Variants in DENND1A observed in about 807,000 individuals in gnomAD.
The protein encoded by DENND1A is DENN domain containing 1A.
In DENND1A, 51 loss-of-function variants were observed where a neutral mutation model predicts 113.7. That is an observed-to-expected ratio of 0.45 (90% CI 0.36 to 0.57). The LOEUF is 0.57. Among genes scored for constraint, DENND1A ranks in the 20% least tolerant of loss-of-function variants. DENND1A has a pLI of 0.00. For synonymous variants in DENND1A, 565 were observed against 570.8 expected (o/e 0.99, Z 0.14); for missense variants, 1,258 against 1,395.9 (o/e 0.90, Z 1.57).
chr9:123,704,900 A>C (rs1287742166), intron 5 of DENND1A, among the ~76,000 whole-genome samples: 1 of 152,184 alleles, frequency 6.6e-6, no homozygotes, highest in East Asian at 1.9e-4. Flanking sequence ...AGACAAGAAG[A>C]AGAAATAACT....
intron 1 of DENND1A, among the ~76,000 whole-genome samples, chr9:123,901,803 G>C (rs1392070576): frequency 1.3e-5 from 2 of 152,068 alleles, no homozygotes; most frequent in Non-Finnish European, 2.9e-5. Flanking sequence ...AGAAGATCGA[G>C]ACCATCCTGG....
intron 11 of DENND1A, among the ~76,000 whole-genome samples, chr9:123,604,961 A>G (rs2137530604): frequency 6.6e-6 from 1 of 152,298 alleles, no homozygotes; most frequent in Middle Eastern, 3.4e-3. Flanking sequence ...TCTGATAGGC[A>G]TTATCTCACT....
At chr9:123,736,184 C>T (rs549979892) in intron 5 of DENND1A, among the ~76,000 whole-genome samples, 1 of 152,324 alleles carries the variant, frequency 6.6e-6, no homozygotes, top group African/African-American at 2.4e-5. Context: ...AAAAGAAGGT[C>T]TTCAAGTCAG....
At chr9:123,847,416 T>C (rs1288800544) in intron 2 of DENND1A, among the ~76,000 whole-genome samples, 2 of 152,128 alleles carry the variant, frequency 1.3e-5, no homozygotes, top group African/African-American at 2.4e-5. Flanking sequence ...CATATATCAT[T>C]GCTAAACTAG....
chr9:123,708,191 C>T (rs943053661), intron 5 of DENND1A, among the ~76,000 whole-genome samples: 1 of 152,072 alleles, frequency 6.6e-6, no homozygotes, highest in Non-Finnish European at 1.5e-5. Flanking sequence ...GGTCCACCAA[C>T]AGGAGTGGTT....
intron 8 of DENND1A, among the ~76,000 whole-genome samples, chr9:123,653,317 G>A (rs998661529): frequency 2.0e-5 from 3 of 152,166 alleles, no homozygotes; most frequent in African/African-American, 7.2e-5. Context: ...CACTGTACCA[G>A]ACACTGTGGA....
At chr9:123,498,661 T>G (rs944490319) in intron 13 of DENND1A, among the ~76,000 whole-genome samples, 9 of 151,736 alleles carry the variant, frequency 5.9e-5, no homozygotes, top group Non-Finnish European at 1.3e-4. Flanking sequence ...TGGGGTCCAA[T>G]GGGCAAGTGT....
intron 2 of DENND1A, among the ~76,000 whole-genome samples, chr9:123,840,440 T>C (rs759011830): frequency 2.0e-5 from 3 of 151,872 alleles, no homozygotes; most frequent in Admixed American, 6.6e-5. Context: ...AGAACTCCAA[T>C]GAGGTCGTTA....
intron 2 of DENND1A, among the ~76,000 whole-genome samples, chr9:123,800,667 T>C (rs902425215): frequency 6.6e-6 from 1 of 152,246 alleles, no homozygotes; most frequent in African/African-American, 2.4e-5. Context: ...TAGCGGATTA[T>C]GAATGACAGC....
At chr9:123,537,884 C>T (rs545581353) in intron 13 of DENND1A, among the ~76,000 whole-genome samples, 44 of 152,132 alleles carry the variant, frequency 2.9e-4, no homozygotes, top group Non-Finnish European at 5.6e-4. Flanking sequence ...GAATATTGTT[C>T]CCAGGAACTT....
intron 13 of DENND1A, among the ~76,000 whole-genome samples, chr9:123,482,408 A>AT (rs956318055): frequency 6.6e-6 from 1 of 152,132 alleles, no homozygotes; most frequent in African/African-American, 2.4e-5. Context: ...CATTATCTTT[A>AT]TTTTTTAACA....
chr9:123,385,108 C>T lies in DENND1A; in HGVS notation c.1761-1195G>A, dbSNP rs1451916891. Among the ~76,000 whole-genome samples, 5 of 152,170 alleles carry T rather than the reference C, an allele frequency of 3.3e-5. No individual in the cohort carries two copies. In the South Asian group the frequency reaches 6.2e-4, roughly 19 times the overall value. On this transcript the variant is annotated intron_variant, in intron 22 of 23. Transcript: ENST00000394215. ...CACCACTGGGTAGATGGAGAGGCAG[C>T]GCCTGGGTCAACCCTTACCTCTAGT...
chr9:123,533,589 T>C (rs940392476), intron 13 of DENND1A, among the ~76,000 whole-genome samples: 13 of 152,204 alleles, frequency 8.5e-5, no homozygotes, highest in Non-Finnish European at 1.5e-4. Flanking sequence ...TTGTACAATG[T>C]CTCAAGCACT....
chr9:123,491,834 C>T (rs2051400710), intron 13 of DENND1A: 1 of 152,260 alleles, frequency 6.6e-6, no homozygotes, highest in Non-Finnish European at 1.5e-5. Context: ...CTTCTGTCCT[C>T]ACCCTCCAAC....
chr9:123,878,179 G>T (rs1011832260), intron 2 of DENND1A, among the ~76,000 whole-genome samples: 7 of 150,384 alleles, frequency 4.7e-5, no homozygotes, highest in Non-Finnish European at 7.4e-5. Flanking sequence ...CTCCAGCCTG[G>T]GCAACAAGAG....
At chr9:123,895,573 G>T (rs1850611419) in intron 1 of DENND1A, among the ~76,000 whole-genome samples, 1 of 149,946 alleles carries the variant, frequency 6.7e-6, no homozygotes. Context: ...ACTGAGCCGA[G>T]ATTATGCCAC....
chr9:123,903,801 G>A lies in DENND1A; in HGVS notation c.18-24780C>T, dbSNP rs993838750. Among the ~76,000 whole-genome samples, 22 of 151,902 alleles carry A rather than the reference G, an allele frequency of 1.4e-4. No homozygotes were observed. In the South Asian group the frequency reaches 1.7e-3, roughly 11 times the overall value. On this transcript the variant is annotated intron_variant, in intron 1 of 23. Coordinates refer to ENST00000394215, the MANE Select transcript of DENND1A (RefSeq NM_001352964.2). The stretch of plus-strand genomic sequence containing the variant: ...GCGGCAGCGAGGCTGGGGGAGGGGC[G>A]CCCGCCATTGCCCAGGCTTGCTTAG...
intron 4 of DENND1A, among the ~76,000 whole-genome samples, chr9:123,760,682 T>C (rs1027427532): frequency 1.3e-5 from 2 of 152,176 alleles, no homozygotes; most frequent in African/African-American, 2.4e-5. Flanking sequence ...TGTGTTACTA[T>C]GGTGATTTAA....
chr9:123,893,025 G>T (rs1048409139), intron 1 of DENND1A, among the ~76,000 whole-genome samples: 2 of 151,588 alleles, frequency 1.3e-5, no homozygotes, highest in African/African-American at 4.8e-5. Flanking sequence ...GAATAAAAAA[G>T]AATAAAGAAT....
Sources: allele counts gnomAD v4.1 joint callset (sites outside exome capture counted in the v4.1 genomes callset), GRCh38; gene constraint gnomAD v4.1.1; transcripts MANE v1.5; gene names NCBI Gene and HGNC (gene_info 2026-07-23, HGNC 2026-07-21).